Variants in KCNQ5 observed in about 807,000 individuals in gnomAD.
KCNQ5 encodes potassium voltage-gated channel subfamily Q member 5.
In KCNQ5, 30 loss-of-function variants were observed where a neutral mutation model predicts 98.2. That is an observed-to-expected ratio of 0.31 (90% confidence interval 0.23 to 0.41). The LOEUF is 0.41. Ranked by LOEUF, KCNQ5 falls within the 10% of genes least tolerant of loss-of-function variation. KCNQ5 has a pLI of 1.00. For synonymous variants in KCNQ5, 458 were observed against 449.4 expected (o/e 1.02, Z -0.24); for missense variants, 835 against 1,182.5 (o/e 0.71, Z 4.31).
chr6:72,669,212 G>A (rs1246836341), intron 1 of KCNQ5, among the ~76,000 whole-genome samples: 4 of 152,106 alleles, frequency 2.6e-5, no homozygotes, highest in Admixed American at 6.5e-5. Flanking sequence ...CTCTCCAGCT[G>A]TGAACCTGTG....
intron 1 of KCNQ5, among the ~76,000 whole-genome samples, chr6:72,973,197 T>C (rs1767986447): frequency 6.6e-6 from 1 of 152,222 alleles, no homozygotes; most frequent in Admixed American, 6.5e-5. Context: ...CAGGTTATCA[T>C]AGTCATATCA....
intron 1 of KCNQ5, among the ~76,000 whole-genome samples, chr6:72,838,944 C>T (rs1424746723): frequency 6.2e-5 from 3 of 48,102 alleles, no homozygotes; most frequent in South Asian, 9.2e-4. Flanking sequence ...AGCGAGACTC[C>T]GTCTCAAAAA....
At chr6:72,787,801 T>G (rs957320896) in intron 1 of KCNQ5, among the ~76,000 whole-genome samples, 1 of 152,186 alleles carries the variant, frequency 6.6e-6, no homozygotes, top group African/African-American at 2.4e-5. Flanking sequence ...TCAGCTCCTC[T>G]ATTGATTGGC....
chr6:73,158,253 GATTTTTT>G (rs1346451242), intron 10 of KCNQ5: 22 of 157,928 alleles, frequency 1.4e-4, no homozygotes, highest in African/African-American at 4.2e-4. Context: ...AATTTTGGAA[GATTTTTT>G]TTTTTTTTTT....
chr6:72,983,841 T>G (rs1768602598), intron 1 of KCNQ5, among the ~76,000 whole-genome samples: 1 of 152,222 alleles, frequency 6.6e-6, no homozygotes, highest in Non-Finnish European at 1.5e-5. Context: ...ATGATGGTGA[T>G]CTACAGATGG....
intron 11 of KCNQ5, among the ~76,000 whole-genome samples, chr6:73,176,233 G>T (rs1332107549): frequency 1.3e-5 from 2 of 152,198 alleles, no homozygotes; most frequent in East Asian, 3.8e-4. Flanking sequence ...TTGGATCATG[G>T]GGGCGGATTT....
At chr6:72,833,015 A>T (rs1214757670) in intron 1 of KCNQ5, among the ~76,000 whole-genome samples, 1 of 152,132 alleles carries the variant, frequency 6.6e-6, no homozygotes, top group Non-Finnish European at 1.5e-5. Context: ...CTTGTACTTC[A>T]TTGCACAGTT....
chr6:72,958,966 G>A (rs914993197), intron 1 of KCNQ5, among the ~76,000 whole-genome samples: 16 of 152,180 alleles, frequency 1.1e-4, no homozygotes, highest in Admixed American at 3.3e-4. Flanking sequence ...GGCAGTAAAC[G>A]TGAAGAGAAG....
rs893655163 is a variant in KCNQ5, at chr6:72,779,846, T to C, written c.398+157259T>C. 4.1e-4 allele frequency among the ~76,000 whole-genome samples: 60 copies of C among 146,986 alleles called. 1 individual carries two copies. In the East Asian group the frequency reaches 0.011, roughly 27 times the overall value. On this transcript the variant is annotated intron_variant, in intron 1 of 13. Transcript: ENST00000370398. ...CTGTGTGTGTGTGTGTGTGTGTGTG[T>C]GTGTGTGTGTGTGTGTGTGTGTGTG...
intron 5 of KCNQ5, among the ~76,000 whole-genome samples, chr6:73,089,929 C>CAGTAGTGAGAT (rs1214499962): frequency 2.0e-5 from 3 of 152,118 alleles, no homozygotes; most frequent in African/African-American, 7.2e-5. Context: ...GGTAGATAAC[C>CAGTAGTGAGAT]AGTAGTGAGA....
intron 2 of KCNQ5, among the ~76,000 whole-genome samples, chr6:73,008,095 G>C (rs926585071): frequency 6.6e-6 from 1 of 151,228 alleles, no homozygotes; most frequent in South Asian, 2.1e-4. Context: ...AAAGAAAATA[G>C]CTATAGAATA....
intron 1 of KCNQ5, among the ~76,000 whole-genome samples, chr6:72,679,328 G>A (rs901320295): frequency 6.6e-6 from 1 of 151,974 alleles, no homozygotes; most frequent in Admixed American, 6.6e-5. Context: ...CAACCCAAAT[G>A]TCCAACAAAG....
intron 1 of KCNQ5, among the ~76,000 whole-genome samples, chr6:72,956,494 T>C (rs938988923): frequency 3.3e-5 from 5 of 150,004 alleles, no homozygotes; most frequent in African/African-American, 9.7e-5. Context: ...TTTTTCTTTT[T>C]TTTTTTTTTT....
In KCNQ5 at chr6:72,638,385, G is replaced by T. The variant is rs1038102162; in HGVS notation, c.398+15798G>T. ...AACTAGTTGGGTCATGCTGCTGAGA[G>T]CTGTTTTCCAGAGCTAGTGGGTATG... On this transcript the variant is annotated intron_variant, in intron 1 of 13. Coordinates refer to ENST00000370398, the MANE Select transcript of KCNQ5 (RefSeq NM_019842.4). Among the ~76,000 whole-genome samples, 6 of 152,130 alleles carry T rather than the reference G, an allele frequency of 3.9e-5. 1 individual carries two copies. Among genetic ancestry groups the T allele is most frequent in the Admixed American group, 3.9e-4 (6 of 15,274 alleles).
At chr6:73,057,219 A>G (rs2150371441) in intron 3 of KCNQ5, among the ~76,000 whole-genome samples, 1 of 151,944 alleles carries the variant, frequency 6.6e-6, no homozygotes, top group East Asian at 1.9e-4. Flanking sequence ...TCAGCAAACT[A>G]TCACAAGGAC....
chr6:73,169,674 G>T, intron 10 of KCNQ5, 72 bp from the exon 11 acceptor site: 1 of 1,088,748 alleles, frequency 9.2e-7, no homozygotes, highest in South Asian at 1.3e-5. Flanking sequence ...CCATTTCCAC[G>T]TGAGAAAAAT....
At chr6:73,076,715 A>G (rs1204440573) in intron 3 of KCNQ5, among the ~76,000 whole-genome samples, 1 of 152,222 alleles carries the variant, frequency 6.6e-6, no homozygotes, top group African/African-American at 2.4e-5. Flanking sequence ...AATACTCTAT[A>G]CAGGAAGCAT....
At chr6:73,073,985 T>C (rs1487870113) in intron 3 of KCNQ5, among the ~76,000 whole-genome samples, 1 of 152,230 alleles carries the variant, frequency 6.6e-6, no homozygotes, top group Non-Finnish European at 1.5e-5. Flanking sequence ...AGTGATCCTT[T>C]GATTAACCTG....
chr6:72,669,910 C>CTTTTTTTTTTTTT (rs541665177), intron 1 of KCNQ5, among the ~76,000 whole-genome samples: 4 of 134,998 alleles, frequency 3.0e-5, no homozygotes, highest in African/African-American at 8.3e-5. Context: ...ACTTTCTTTC[C>CTTTTTTTTTTTTT]TTTTTTTTTT....
Sources: gnomAD v4.1 joint callset for allele counts (sites outside exome capture counted in the v4.1 genomes callset) on GRCh38, gnomAD v4.1.1 for gene constraint, MANE v1.5 for transcripts, NCBI Gene and HGNC (gene_info 2026-07-23, HGNC 2026-07-21) for gene names.